The following SUGCT variants were observed in gnomAD, a reference collection of about 807,000 sequenced individuals.
The protein encoded by SUGCT is succinyl-CoA:glutarate CoA-transferase.
In SUGCT, 41 loss-of-function variants were observed where a neutral mutation model predicts 55.0. That is an observed-to-expected ratio of 0.74 (90% CI 0.58 to 0.97). The LOEUF (loss-of-function observed/expected upper bound fraction) is 0.97. Ranked by LOEUF, SUGCT falls within the 50% of genes least tolerant of loss-of-function variation. The pLI is 0.00. For missense variants in SUGCT, 568 were observed against 547.8 expected (o/e 1.04, Z -0.37); for synonymous variants, 187 against 200.4 (o/e 0.93, Z 0.56).
chr7:40,939,070 G>A, the SUGCT span, among the ~76,000 whole-genome samples: 1 of 152,094 alleles, frequency 6.6e-6, no homozygotes, highest in South Asian at 2.1e-4. Flanking sequence ...ATAAAGACCC[G>A]AGACAGGGCA....
At chr7:40,354,290 A>G (rs556929782) in intron 9 of SUGCT, among the ~76,000 whole-genome samples, 4 of 152,296 alleles carry the variant, frequency 2.6e-5, no homozygotes, top group South Asian at 2.1e-4. Flanking sequence ...GAGGTATTAC[A>G]TACAACAGTG....
At chr7:40,707,038 G>GT (rs1785452866) in intron 12 of SUGCT, among the ~76,000 whole-genome samples, 1 of 152,088 alleles carries the variant, frequency 6.6e-6, no homozygotes, top group African/African-American at 2.4e-5. Context: ...GCATCTCTGT[G>GT]TTAGCATGTC....
At chr7:40,854,469 T>TTTCTTTCTTTCTTTCTTTCC (rs1491327998) in intron 13 of SUGCT, among the ~76,000 whole-genome samples, 1 of 147,988 alleles carries the variant, frequency 6.8e-6, no homozygotes, top group Non-Finnish European at 1.5e-5. Context: ...TCTTTCTTTC[T>TTTCTTTCTTTCTTTCTTTCC]TTCTTTCTCT....
At chr7:40,296,264 G>A (rs1794137612) in intron 8 of SUGCT, among the ~76,000 whole-genome samples, 1 of 152,140 alleles carries the variant, frequency 6.6e-6, no homozygotes, top group Non-Finnish European at 1.5e-5. Flanking sequence ...ATTCTGAATT[G>A]CTTATTGAAA....
At chr7:40,178,410 C>T (rs189369209) in intron 1 of SUGCT, among the ~76,000 whole-genome samples, 154 of 151,952 alleles carry the variant, frequency 1.0e-3, no homozygotes, top group African/African-American at 3.3e-3. Context: ...GTAATTTTTC[C>T]GAGAAAGGAT....
chr7:40,425,734 T>C (rs1178887745), intron 9 of SUGCT, among the ~76,000 whole-genome samples: 3 of 152,094 alleles, frequency 2.0e-5, no homozygotes, highest in African/African-American at 7.2e-5. Context: ...CCATTGATAA[T>C]GGATATTGTG....
At chr7:40,845,054 GTTTATTT>G (rs1381554702) in intron 13 of SUGCT, among the ~76,000 whole-genome samples, 3 of 151,346 alleles carry the variant, frequency 2.0e-5, no homozygotes, top group Admixed American at 6.6e-5. Context: ...GTTTTTGGTG[GTTTATTT>G]TTTATTTTTT....
intron 12 of SUGCT, among the ~76,000 whole-genome samples, chr7:40,565,417 G>C (rs1796071999): frequency 6.6e-6 from 1 of 152,176 alleles, no homozygotes; most frequent in Non-Finnish European, 1.5e-5. Context: ...AGGTCTAATG[G>C]TAGATAAGTT....
intron 12 of SUGCT, chr7:40,499,258 C>A: frequency 3.2e-6 from 1 of 310,208 alleles, no homozygotes. Flanking sequence ...CTAACAACAA[C>A]AACAAAAGCC....
intron 12 of SUGCT, among the ~76,000 whole-genome samples, chr7:40,523,498 G>T (rs28565517): frequency 0.042 from 6,311 of 152,026 alleles, 427 homozygotes; most frequent in African/African-American, 0.14. Context: ...TTCTATGATT[G>T]CTAGAAAAAA....
In SUGCT at chr7:40,755,001, A is replaced by C. The variant is rs1446691288; in HGVS notation, c.1153+5504A>C. Among the ~76,000 whole-genome samples the C allele has an allele frequency of 2.6e-5, 4 of 152,212 alleles. No individual in the cohort carries two copies. In the East Asian group the frequency reaches 5.8e-4, roughly 22 times the overall value. On this transcript the variant is annotated intron_variant, in intron 13 of 13. Coordinates refer to ENST00000335693, the MANE Select transcript of SUGCT (RefSeq NM_001193313.2). ...AAAAAATGCAATCAGATACATGAACAATGTGAGTGCCTGGCACCCTGGAGG... is the reference window on the plus strand; with the variant it reads ...AAAAAATGCAATCAGATACATGAACCATGTGAGTGCCTGGCACCCTGGAGG...
the SUGCT span, among the ~76,000 whole-genome samples, chr7:40,990,080 C>G: frequency 1.3e-5 from 2 of 152,148 alleles, no homozygotes; most frequent in Non-Finnish European, 2.9e-5. Flanking sequence ...GTACTTTGCC[C>G]AAATCCATCA....
At chr7:40,258,696 C>G (rs1791002087) in intron 7 of SUGCT, among the ~76,000 whole-genome samples, 1 of 152,126 alleles carries the variant, frequency 6.6e-6, no homozygotes, top group African/African-American at 2.4e-5. Flanking sequence ...TGTTTTTTCA[C>G]TGGTAATTGT....
At chr7:40,350,929 G>T (rs1050067481) in intron 9 of SUGCT, among the ~76,000 whole-genome samples, 5 of 151,876 alleles carry the variant, frequency 3.3e-5, no homozygotes, top group African/African-American at 1.2e-4. Flanking sequence ...AGAATGATGG[G>T]TTCCAGTTTC....
chr7:40,969,298 A>C, the SUGCT span, among the ~76,000 whole-genome samples: 5 of 152,202 alleles, frequency 3.3e-5, no homozygotes, highest in African/African-American at 1.2e-4. Context: ...AATAAAGATT[A>C]TTTCAAATTT....
chr7:40,912,096 T>C, the SUGCT span, among the ~76,000 whole-genome samples: 1 of 152,100 alleles, frequency 6.6e-6, no homozygotes, highest in East Asian at 1.9e-4. Context: ...AGAGGATGCT[T>C]CACTTCAACT....
chr7:40,202,988 C>T (rs1405038465), intron 6 of SUGCT, among the ~76,000 whole-genome samples: 6 of 152,192 alleles, frequency 3.9e-5, no homozygotes, highest in African/African-American at 1.4e-4. Context: ...CTTTGGTATT[C>T]TTTCAGACAC....
chr7:40,161,927 T>G (rs1164616076), intron 1 of SUGCT, among the ~76,000 whole-genome samples: 1 of 152,176 alleles, frequency 6.6e-6, no homozygotes, highest in African/African-American at 2.4e-5. Flanking sequence ...AGACAGACTC[T>G]TGCTCTGTCA....
At chr7:40,400,381 C>T (rs1350243549) in intron 9 of SUGCT, among the ~76,000 whole-genome samples, 5 of 152,130 alleles carry the variant, frequency 3.3e-5, no homozygotes, top group African/African-American at 1.2e-4. Flanking sequence ...AGCTTACAGT[C>T]CTGGCTGAAG....
Sources: gnomAD v4.1 joint callset for allele counts (sites outside exome capture counted in the v4.1 genomes callset) on GRCh38, gnomAD v4.1.1 for gene constraint, MANE v1.5 for transcripts, NCBI Gene and HGNC (gene_info 2026-07-23, HGNC 2026-07-21) for gene names.